CDKL4: variants seen among roughly 807,000 people sequenced by gnomAD.
CDKL4 encodes cyclin-dependent kinase-like 4.
Under a neutral mutation model 42.0 loss-of-function variants are expected in CDKL4, and 44 were observed. The observed-to-expected ratio is 1.05, with a 90% confidence interval of 0.82 to 1.35. The LOEUF (loss-of-function observed/expected upper bound fraction) is 1.35, where lower values mean the gene tolerates loss of function less well. CDKL4 is among the 40% of genes most tolerant of loss of function. The pLI, the probability that CDKL4 is intolerant of heterozygous loss-of-function variation, is 0.00. For missense variants in CDKL4, 393 were observed against 369.9 expected (o/e 1.06, Z -0.51); for synonymous variants, 120 against 121.6 (o/e 0.99, Z 0.09).
intron 5 of CDKL4, among the ~76,000 whole-genome samples, chr2:39,192,936 G>A (rs1347166888): frequency 6.6e-6 from 1 of 151,738 alleles, no homozygotes; most frequent in African/African-American, 2.4e-5. Context: ...GGCCAGCCTG[G>A]GCAACATGGT....
At chr2:39,192,886 G>T (rs920271957) in intron 5 of CDKL4, among the ~76,000 whole-genome samples, 1 of 152,036 alleles carries the variant, frequency 6.6e-6, no homozygotes. Flanking sequence ...AGCACTTTGG[G>T]AGGCAAAGGC....
intron 2 of CDKL4, among the ~76,000 whole-genome samples, chr2:39,227,900 G>A (rs1250404188): frequency 6.6e-6 from 1 of 152,186 alleles, no homozygotes; most frequent in Non-Finnish European, 1.5e-5. Context: ...AGGTGGTAAG[G>A]ACAGAGAGGC....
rs566201798 is a variant in CDKL4, at chr2:39,206,556, G to A, written c.364-1939C>T. 3.9e-5 allele frequency among the ~76,000 whole-genome samples: 6 copies of A among 152,304 alleles called. No individual in the cohort carries two copies. The South Asian group carries it at 8.3e-4, about 21-fold the overall frequency. On this transcript the variant is annotated intron_variant, in intron 4 of 9. Transcript: ENST00000451199. Reference sequence around the variant, plus strand: ...TCCAGAAATGGGTTTCCATGTTGCGGAGGTGCTGTGAGAAAACAGCTCAGA... The same window carrying A: ...TCCAGAAATGGGTTTCCATGTTGCGAAGGTGCTGTGAGAAAACAGCTCAGA...
intron 1 of CDKL4, among the ~76,000 whole-genome samples, chr2:39,231,008 G>C (rs887516968): frequency 2.0e-5 from 3 of 152,126 alleles, no homozygotes; most frequent in African/African-American, 7.2e-5. Flanking sequence ...TCAGGAGTTC[G>C]AGACCAGCCT....
At chr2:39,211,381 G>C (rs769134390) in intron 4 of CDKL4, among the ~76,000 whole-genome samples, 7 of 152,106 alleles carry the variant, frequency 4.6e-5, no homozygotes, top group Non-Finnish European at 1.0e-4. Context: ...GAGCGAGACT[G>C]TCCCAAAAAT....
At chr2:39,176,157 TTTGA>T (rs1361122747) in intron 9 of CDKL4, 61 bp from the exon 10 acceptor site, 1 of 415,642 alleles carries the variant, frequency 2.4e-6, no homozygotes, top group African/African-American at 2.1e-5. Flanking sequence ...ATTTGTACAG[TTTGA>T]TTGAAAGATG....
intron 8 of CDKL4, among the ~76,000 whole-genome samples, chr2:39,184,054 G>A (rs574352656): frequency 6.6e-6 from 1 of 152,312 alleles, no homozygotes; most frequent in Admixed American, 6.5e-5. Context: ...TTCTGAATCT[G>A]AGGCTAGATA....
the CDKL4 span, among the ~76,000 whole-genome samples, chr2:39,169,743 C>T: frequency 6.6e-6 from 1 of 152,250 alleles, no homozygotes; most frequent in Admixed American, 6.5e-5. Context: ...ACCTAGCTGT[C>T]CAAACTTCCA....
the CDKL4 span, among the ~76,000 whole-genome samples, chr2:39,168,703 T>G: frequency 2.1e-5 from 3 of 144,196 alleles, no homozygotes; most frequent in Non-Finnish European, 3.0e-5. Flanking sequence ...CCATTGAAAC[T>G]CCATCTAAAA....
At chr2:39,193,343 A>C (rs1676308866) in intron 5 of CDKL4, among the ~76,000 whole-genome samples, 1 of 149,630 alleles carries the variant, frequency 6.7e-6, no homozygotes, top group African/African-American at 2.5e-5. Context: ...AGAGGTGTAA[A>C]CATCATTTAT....
chr2:39,180,879 C>A (rs575440629), intron 8 of CDKL4, among the ~76,000 whole-genome samples: 1 of 152,188 alleles, frequency 6.6e-6, no homozygotes, highest in South Asian at 2.1e-4. Flanking sequence ...TTAGTAGAGA[C>A]AGGTTCACCA....
intron 2 of CDKL4, among the ~76,000 whole-genome samples, chr2:39,228,071 C>T (rs1678866060): frequency 6.6e-6 from 1 of 152,190 alleles, no homozygotes; most frequent in South Asian, 2.1e-4. Context: ...CATAATCAGG[C>T]TAGTTTTTAC....
At chr2:39,168,603 C>T in the CDKL4 span, among the ~76,000 whole-genome samples, 14 of 151,522 alleles carry the variant, frequency 9.2e-5, no homozygotes, top group East Asian at 2.5e-3. Context: ...GGTGTGGTGG[C>T]TCATATCTGT....
downstream of CDKL4, among the ~76,000 whole-genome samples, chr2:39,174,915 A>G (rs978457903): frequency 3.3e-5 from 5 of 152,228 alleles, no homozygotes; most frequent in Non-Finnish European, 5.9e-5. Flanking sequence ...ACATATGTGT[A>G]TATACGTATG....
At chr2:39,190,182 G>A in intron 6 of CDKL4, 123 bp downstream of exon 6, 1 of 667,576 alleles carries the variant, frequency 1.5e-6, no homozygotes, top group East Asian at 3.0e-5. Context: ...ACCATCCTGA[G>A]TGACACTTTG....
intron 4 of CDKL4, among the ~76,000 whole-genome samples, chr2:39,212,232 G>A (rs1022675437): frequency 5.4e-5 from 8 of 149,432 alleles, no homozygotes; most frequent in African/African-American, 7.6e-5. Flanking sequence ...AAAAATTAAT[G>A]AATTTTTTTT....
intron 8 of CDKL4, among the ~76,000 whole-genome samples, chr2:39,180,553 T>C (rs1377996712): frequency 1.3e-5 from 2 of 152,162 alleles, no homozygotes; most frequent in African/African-American, 2.4e-5. Context: ...TACTGGTCCC[T>C]CCTTGTCAAC....
At chr2:39,213,279 T>C (rs1391098934) in intron 4 of CDKL4, 121 bp downstream of exon 4, 2 of 629,888 alleles carry the variant, frequency 3.2e-6, no homozygotes, top group Non-Finnish European at 5.5e-6. Flanking sequence ...CTTCCTTTTG[T>C]TTTGCTTCTT....
chr2:39,244,448 C>A (rs1298512342), upstream of CDKL4, among the ~76,000 whole-genome samples: 1 of 152,224 alleles, frequency 6.6e-6, no homozygotes, highest in South Asian at 2.1e-4. Flanking sequence ...GTAATGGGTC[C>A]CCCAGCAGTG....
Sources: gnomAD v4.1 joint callset for allele counts (sites outside exome capture counted in the v4.1 genomes callset) on GRCh38, gnomAD v4.1.1 for gene constraint, MANE v1.5 for transcripts, NCBI Gene and HGNC (gene_info 2026-07-23, HGNC 2026-07-21) for gene names.